CPNE8: variants seen among roughly 807,000 people sequenced by gnomAD.
CPNE8 encodes the protein copine 8.
Under a neutral mutation model 81.5 loss-of-function variants are expected in CPNE8, and 45 were observed. That is an observed-to-expected ratio of 0.55 (90% CI 0.44 to 0.71). The LOEUF is 0.71. Among genes scored for constraint, CPNE8 ranks in the 30% least tolerant of loss-of-function variants. The pLI, the probability that CPNE8 is intolerant of heterozygous loss-of-function variation, is 0.00. For missense variants in CPNE8, 594 were observed against 672.1 expected (o/e 0.88, Z 1.28); for synonymous variants, 252 against 226.3 (o/e 1.11, Z -1.02).
chr12:38,820,259 G>A (rs1943092260), intron 6 of CPNE8, among the ~76,000 whole-genome samples: 1 of 151,934 alleles, frequency 6.6e-6, no homozygotes, highest in Admixed American at 6.6e-5. Context: ...ACAAAAATTA[G>A]CCGGGCGTGG....
intron 1 of CPNE8, among the ~76,000 whole-genome samples, chr12:38,879,943 C>T (rs1033014133): frequency 1.3e-5 from 2 of 151,984 alleles, no homozygotes; most frequent in Non-Finnish European, 2.9e-5. Flanking sequence ...AGTGAAACAA[C>T]ACATTAAAAA....
intron 6 of CPNE8, among the ~76,000 whole-genome samples, chr12:38,796,297 A>C (rs1253799869): frequency 6.6e-6 from 1 of 152,096 alleles, no homozygotes. Context: ...AAAAAATTAA[A>C]AACAAAAAAA....
At chr12:38,696,411 A>T (rs1309828445) in intron 14 of CPNE8, among the ~76,000 whole-genome samples, 1 of 151,992 alleles carries the variant, frequency 6.6e-6, no homozygotes, top group East Asian at 1.9e-4. Context: ...GTATTGAGTC[A>T]ACTCCTTGAG....
At chr12:38,733,329 TTTA>T (rs1255440988) in intron 10 of CPNE8, among the ~76,000 whole-genome samples, 2 of 151,954 alleles carry the variant, frequency 1.3e-5, no homozygotes, top group Non-Finnish European at 2.9e-5. Flanking sequence ...TTCACTGATT[TTTA>T]TTATATTTTA....
At chr12:38,856,113 C>A (rs1391514849) in intron 3 of CPNE8, among the ~76,000 whole-genome samples, 9 of 151,840 alleles carry the variant, frequency 5.9e-5, no homozygotes, top group African/African-American at 2.2e-4. Context: ...TGGATAAATT[C>A]TTAGAAATAT....
At chr12:38,679,920 T>C (rs934914235) in intron 16 of CPNE8, among the ~76,000 whole-genome samples, 6 of 151,972 alleles carry the variant, frequency 3.9e-5, no homozygotes, top group African/African-American at 1.4e-4. Context: ...CACTGATATA[T>C]AGACTCACAG....
In CPNE8 at chr12:38,808,005, C is replaced by A. The variant is rs550108233; in HGVS notation, c.407+21374G>T. ...CAGCCAAAAAACACATGGAAAAATG[C>A]TCATCATCACTGGCCATCAGAGAAA... is the stretch of plus-strand genomic sequence containing the variant. On this transcript the variant is annotated intron_variant, in intron 6 of 19. Coordinates refer to ENST00000331366, the MANE Select transcript of CPNE8 (RefSeq NM_153634.3). Among the ~76,000 whole-genome samples the A allele has an allele frequency of 4.6e-3, 701 of 152,146 alleles. 7 individuals are homozygous for A. The highest frequency in any genetic ancestry group is 0.016 in the African/African-American group (682 of 41,534).
intron 3 of CPNE8, among the ~76,000 whole-genome samples, chr12:38,872,076 A>G (rs1421489720): frequency 6.6e-6 from 1 of 152,172 alleles, no homozygotes; most frequent in Non-Finnish European, 1.5e-5. Context: ...CAGAGGTTGC[A>G]GTGAGCCAAG....
chr12:38,906,223 C>T (rs901580370), upstream of CPNE8: 6 of 985,472 alleles, frequency 6.1e-6, no homozygotes, highest in African/African-American at 8.7e-5. Context: ...AGCTTCTGGA[C>T]TGCCCACTGT....
intron 3 of CPNE8, among the ~76,000 whole-genome samples, chr12:38,866,826 G>A (rs77967072): frequency 3.7e-4 from 56 of 152,078 alleles, no homozygotes; most frequent in African/African-American, 1.2e-3. Flanking sequence ...GCTAAATTCG[G>A]GTGTCCCTAA....
chr12:38,703,487 C>T (rs572697968), intron 13 of CPNE8, among the ~76,000 whole-genome samples: 1 of 152,236 alleles, frequency 6.6e-6, no homozygotes, highest in African/African-American at 2.4e-5. Flanking sequence ...ATGACAAATT[C>T]ACAGCCAACA....
chr12:38,783,339 G>C (rs1251487549), intron 6 of CPNE8, among the ~76,000 whole-genome samples: 1 of 152,108 alleles, frequency 6.6e-6, no homozygotes, highest in Non-Finnish European at 1.5e-5. Context: ...ACAGTACCTG[G>C]CTTTAACTTC....
chr12:38,858,459 T>C (rs769763400), intron 3 of CPNE8, among the ~76,000 whole-genome samples: 1 of 152,240 alleles, frequency 6.6e-6, no homozygotes, highest in Non-Finnish European at 1.5e-5. Context: ...TGTGCCAAAG[T>C]AGCAGCTCAA....
intron 16 of CPNE8, among the ~76,000 whole-genome samples, chr12:38,680,724 G>T (rs1939390908): frequency 6.6e-6 from 1 of 151,968 alleles, no homozygotes; most frequent in Non-Finnish European, 1.5e-5. Context: ...CATGTTGTTA[G>T]AGATAGATCA....
intron 18 of CPNE8, among the ~76,000 whole-genome samples, chr12:38,672,744 A>C (rs1939203325): frequency 6.6e-6 from 1 of 152,186 alleles, no homozygotes; most frequent in African/African-American, 2.4e-5. Context: ...AAAAAGAGTC[A>C]CTGGGGAAAT....
intron 14 of CPNE8, among the ~76,000 whole-genome samples, 184 bp from the exon 15 acceptor site, chr12:38,694,022 C>T (rs191460105): frequency 1.8e-4 from 27 of 152,130 alleles, no homozygotes; most frequent in Non-Finnish European, 3.4e-4. Context: ...TTATATTAGA[C>T]ATATAGAAAG....
chr12:38,858,287 C>T (rs1049033901), intron 3 of CPNE8, among the ~76,000 whole-genome samples: 2 of 152,162 alleles, frequency 1.3e-5, no homozygotes, highest in Admixed American at 6.5e-5. Flanking sequence ...GCAGTTCCGT[C>T]GAGCCCCAAA....
chr12:38,841,757 C>G lies in CPNE8; in HGVS notation c.291-1802G>C, dbSNP rs74367631. On this transcript the variant is annotated intron_variant, in intron 4 of 19. Transcript: ENST00000331366. Reference sequence around the variant, plus strand: ...CAATACATACATGCCACTTTTGAATCTGCTTGAAAATGTCCATGATAAAAC... The same window carrying G: ...CAATACATACATGCCACTTTTGAATGTGCTTGAAAATGTCCATGATAAAAC... 3.2e-3 allele frequency among the ~76,000 whole-genome samples: 481 copies of G among 152,220 alleles called. 1 individual carries two copies. The highest frequency in any genetic ancestry group is 0.011 in the African/African-American group (451 of 41,530).
At chr12:38,654,151 A>T in intron 19 of CPNE8, 81 bp from the exon 20 acceptor site, 1 of 1,437,738 alleles carries the variant, frequency 7.0e-7, no homozygotes, top group Non-Finnish European at 9.1e-7. Flanking sequence ...ACATGTACAC[A>T]TTTGGTCATA....
Sources: allele counts gnomAD v4.1 joint callset (sites outside exome capture counted in the v4.1 genomes callset), GRCh38; gene constraint gnomAD v4.1.1; transcripts MANE v1.5; gene names NCBI Gene and HGNC (gene_info 2026-07-23, HGNC 2026-07-21).